Variants in FRMPD1 observed in about 807,000 individuals in gnomAD.
FRMPD1 encodes FERM and PDZ domain containing 1.
In FRMPD1, 76 loss-of-function variants were observed where a neutral mutation model predicts 117.8. That is an observed-to-expected ratio of 0.65 (90% CI 0.54 to 0.78). The LOEUF (loss-of-function observed/expected upper bound fraction) is 0.78, where lower values mean the gene tolerates loss of function less well. Among genes scored for constraint, FRMPD1 ranks in the 30% least tolerant of loss-of-function variants. FRMPD1 has a pLI of 0.00. For synonymous variants in FRMPD1, 783 were observed against 770.4 expected, an observed-to-expected ratio of 1.02 and a Z score of -0.27; for missense variants, 1,786 against 1,964.5, an observed-to-expected ratio of 0.91 and a Z score of 1.72.
intron 2 of FRMPD1, among the ~76,000 whole-genome samples, chr9:37,704,310 C>G (rs2118123437): frequency 6.6e-6 from 1 of 152,210 alleles, no homozygotes; most frequent in Non-Finnish European, 1.5e-5. Context: ...AATCTCTCAT[C>G]AATAATTTTT....
intron 2 of FRMPD1, among the ~76,000 whole-genome samples, chr9:37,704,419 T>C (rs1822631050): frequency 2.6e-5 from 4 of 152,164 alleles, no homozygotes; most frequent in Admixed American, 2.6e-4. Context: ...TTCCTGTTTT[T>C]ATGTAGCTAT....
At chr9:37,715,680 G>C (rs557882873) in intron 5 of FRMPD1, 124 of 456,228 alleles carry the variant, frequency 2.7e-4, no homozygotes, top group South Asian at 5.0e-4. Context: ...GGCTGAAGTG[G>C]GTGTAAGTAG....
At chr9:37,646,497 C>T (rs1234651816), upstream of FRMPD1, among the ~76,000 whole-genome samples, 1 of 152,224 alleles carries the variant, frequency 6.6e-6, no homozygotes, top group Non-Finnish European at 1.5e-5. Flanking sequence ...GCTTTCCATA[C>T]AGTGTTCTTT....
At chr9:37,610,485 C>CA in the FRMPD1 span, among the ~76,000 whole-genome samples, 2 of 151,526 alleles carry the variant, frequency 1.3e-5, no homozygotes, top group Non-Finnish European at 2.9e-5. Context: ...AAAACAACAA[C>CA]AAAAAACAAA....
At chr9:37,714,625 G>GTTTTA (rs1563944950) in intron 5 of FRMPD1, among the ~76,000 whole-genome samples, 20 of 66,590 alleles carry the variant, frequency 3.0e-4, no homozygotes, top group Admixed American at 6.4e-4. Flanking sequence ...ATTTTATTTT[G>GTTTTA]TTTTGTTTTA....
chr9:37,648,173 C>A (rs941424395), upstream of FRMPD1, among the ~76,000 whole-genome samples: 14 of 147,694 alleles, frequency 9.5e-5, no homozygotes, highest in East Asian at 2.0e-4. Flanking sequence ...AGGAAAAAAA[C>A]CAAGAACTGA....
intron 1 of FRMPD1, among the ~76,000 whole-genome samples, chr9:37,672,521 C>G (rs74925730): frequency 6.6e-6 from 1 of 152,028 alleles, no homozygotes; most frequent in African/African-American, 2.4e-5. Context: ...CTCATTAATT[C>G]TCACAACAAC....
chr9:37,672,394 G>A (rs1352882959), intron 1 of FRMPD1, among the ~76,000 whole-genome samples: 1 of 86,264 alleles, frequency 1.2e-5, no homozygotes, highest in South Asian at 4.1e-4. Context: ...GGCTTGAGAG[G>A]GGGAGTGGGG....
chr9:37,646,275 G>A (rs532491803), upstream of FRMPD1, among the ~76,000 whole-genome samples: 1 of 152,242 alleles, frequency 6.6e-6, no homozygotes, highest in Non-Finnish European at 1.5e-5. Flanking sequence ...TATCCAATGT[G>A]GATTCACTTC....
the FRMPD1 span, among the ~76,000 whole-genome samples, chr9:37,622,642 G>T: frequency 6.6e-6 from 1 of 152,312 alleles, no homozygotes; most frequent in East Asian, 1.9e-4. Context: ...ATAAGAAACA[G>T]CTGTCCTCGG....
the FRMPD1 span, among the ~76,000 whole-genome samples, chr9:37,629,819 T>C: frequency 6.6e-6 from 1 of 152,210 alleles, no homozygotes; most frequent in Non-Finnish European, 1.5e-5. Context: ...GAGGCATGCA[T>C]TAAGCAACTT....
the FRMPD1 span, among the ~76,000 whole-genome samples, chr9:37,622,877 T>A: frequency 6.6e-6 from 1 of 151,806 alleles, no homozygotes; most frequent in Admixed American, 6.6e-5. Flanking sequence ...AGAAACCTCT[T>A]CCAGGCCCTT....
At chr9:37,727,712 G>C (rs964291045) in intron 7 of FRMPD1, among the ~76,000 whole-genome samples, 1 of 151,146 alleles carries the variant, frequency 6.6e-6, no homozygotes, top group African/African-American at 2.4e-5. Flanking sequence ...AGTTATGGGG[G>C]GTGATGAACA....
At chr9:37,720,577 G>C (rs1395607143) in intron 6 of FRMPD1, among the ~76,000 whole-genome samples, 1 of 152,208 alleles carries the variant, frequency 6.6e-6, no homozygotes, top group Non-Finnish European at 1.5e-5. Flanking sequence ...GCTGAGGCAG[G>C]AGAATGGCGT....
chr9:37,631,404 C>T, the FRMPD1 span, among the ~76,000 whole-genome samples: 1 of 152,148 alleles, frequency 6.6e-6, no homozygotes, highest in Admixed American at 6.5e-5. Flanking sequence ...AACTGATTTT[C>T]TTGGCAGCCT....
At chr9:37,736,297 G>C (rs907936412) in intron 13 of FRMPD1, among the ~76,000 whole-genome samples, 1 of 151,516 alleles carries the variant, frequency 6.6e-6, no homozygotes, top group Admixed American at 6.6e-5. Flanking sequence ...CACCGCGCCC[G>C]GCCCACCAGA....
chr9:37,656,900 A>G (rs1475671908), intron 1 of FRMPD1, among the ~76,000 whole-genome samples: 1 of 151,086 alleles, frequency 6.6e-6, no homozygotes, highest in Non-Finnish European at 1.5e-5. Flanking sequence ...GCTAAATGGT[A>G]TGTGGCCTTA....
At chr9:37,725,728 T>C (rs149099739) in intron 7 of FRMPD1, among the ~76,000 whole-genome samples, 100 of 152,306 alleles carry the variant, frequency 6.6e-4, no homozygotes, top group African/African-American at 2.3e-3. Flanking sequence ...TTTAATGCCC[T>C]AGCAACCTTG....
the FRMPD1 span, among the ~76,000 whole-genome samples, chr9:37,618,191 T>C: frequency 6.6e-6 from 1 of 152,244 alleles, no homozygotes; most frequent in Admixed American, 6.5e-5. Flanking sequence ...TGGAATTGAA[T>C]GACTTTTATG....
Sources: gnomAD v4.1 joint callset for allele counts (sites outside exome capture counted in the v4.1 genomes callset) on GRCh38, gnomAD v4.1.1 for gene constraint, MANE v1.5 for transcripts, NCBI Gene and HGNC (gene_info 2026-07-23, HGNC 2026-07-21) for gene names.